The following FBXL3 variants were observed in gnomAD, a reference collection of about 807,000 sequenced individuals.
The protein encoded by FBXL3 is F-box and leucine rich repeat protein 3, also known as F-box/LRR-repeat protein 3.
FBXL3 carries 14 observed loss-of-function variants against 37.9 expected under a neutral mutation model. The observed-to-expected ratio is 0.37, with a 90% CI of 0.24 to 0.58. The LOEUF (loss-of-function observed/expected upper bound fraction) is 0.58, where lower values mean the gene tolerates loss of function less well. Among genes scored for constraint, FBXL3 ranks in the 20% least tolerant of loss-of-function variants. The probability of loss-of-function intolerance (pLI) is 0.74; values close to 1 mark genes in which losing one functional copy is unlikely to be tolerated. For synonymous variants in FBXL3, 194 were observed against 180.1 expected (o/e 1.08, Z -0.62); for missense variants, 327 against 511.1 (o/e 0.64, Z 3.47).
chr13:77,012,778 GTTCTTT>G (rs1219124332), intron 4 of FBXL3: 2 of 152,098 alleles, frequency 1.3e-5, no homozygotes, highest in Non-Finnish European at 2.9e-5. Context: ...TATTACAAGT[GTTCTTT>G]CTTTTTTTTG....
In FBXL3 at chr13:77,022,812, C is replaced by T. The variant is rs901829725; in HGVS notation, c.-1-951G>A. 3.2e-4 allele frequency among the ~76,000 whole-genome samples: 49 copies of T among 152,148 alleles called. 1 individual carries two copies. Among genetic ancestry groups the T allele is most frequent in the Admixed American group, 1.2e-3 (18 of 15,278 alleles). ...TCTTTGAAAGATAGTTTTTTCATGGCAAAACAGTATTATGGCTAAAGAGAA... is the reference window on the plus strand; with the variant it reads ...TCTTTGAAAGATAGTTTTTTCATGGTAAAACAGTATTATGGCTAAAGAGAA... On this transcript the variant is annotated intron_variant, in intron 1 of 4. Coordinates refer to ENST00000355619, the MANE Select transcript of FBXL3 (RefSeq NM_012158.4).
At chr13:77,009,500 A>G (rs2034510101) in intron 4 of FBXL3, 1 of 152,060 alleles carries the variant, frequency 6.6e-6, no homozygotes, top group Admixed American at 6.5e-5. Flanking sequence ...GCTATTTTAT[A>G]TACTTTGAAA....
intron 1 of FBXL3, among the ~76,000 whole-genome samples, chr13:77,025,387 T>C (rs545416425): frequency 1.3e-5 from 2 of 152,334 alleles, no homozygotes; most frequent in Admixed American, 6.5e-5. Context: ...GACCACAGAC[T>C]AGCTGAGCAG....
chr13:77,017,024 C>T (rs1222613723), intron 3 of FBXL3: 1 of 151,554 alleles, frequency 6.6e-6, no homozygotes, highest in Non-Finnish European at 1.5e-5. Context: ...GCATCACTGA[C>T]GTCTTTCCCC....
Position 77,015,443 on chromosome 13 carries a change from C to T in FBXL3, c.609G>A (p.Leu203=). 2 of 1,595,802 alleles carry T rather than the reference C, an allele frequency of 1.3e-6. No individual in the cohort carries two copies. Among genetic ancestry groups the T allele is most frequent in the Admixed American group, 1.8e-5 (1 of 56,466 alleles). ...AGACATGAGGACAGCTGCTCATTTT[C>T]AACAGCTTGAGTGTATCACTATTGT... ...VANNSDTLKL[L]KMSSCPHVSP... is the part of the protein sequence containing the mutation. The change falls in exon 4 of 5, where the codon TTG becomes TTA. Residue 203 remains leucine (L), a synonymous_variant. Coordinates refer to ENST00000355619, the MANE Select transcript of FBXL3 (RefSeq NM_012158.4).
chr13:77,007,804 A>C lies in FBXL3; in HGVS notation c.644-16T>G, dbSNP rs761917476. Reference sequence around the variant, plus strand: ...CAAAGGATACCTTGAAAGAAAAAAAAAATTATTTGCAAGTTTTTGTAAAAG... The same window carrying C: ...CAAAGGATACCTTGAAAGAAAAAAACAATTATTTGCAAGTTTTTGTAAAAG... On this transcript the variant is annotated splice_polypyrimidine_tract_variant and intron_variant, in intron 4 of 4. Transcript: ENST00000355619. 3 of 1,532,468 alleles carry C rather than the reference A, an allele frequency of 2.0e-6. No individual in the cohort carries two copies. Among genetic ancestry groups the C allele is most frequent in the Non-Finnish European group, 2.6e-6 (3 of 1,141,746 alleles). The allele number at this position is 1,532,468 out of a possible 1,614,324, so 94.9% of individuals were successfully genotyped here. A position where few individuals can be genotyped will look rare whatever the true frequency, so the allele number is the denominator to read the frequency against.
intron 3 of FBXL3, chr13:77,018,222 C>T (rs1400282681): frequency 6.5e-6 from 1 of 154,014 alleles, no homozygotes; most frequent in African/African-American, 2.4e-5. Flanking sequence ...AGAAGCTATA[C>T]CTGCTCTCAA....
intron 1 of FBXL3, among the ~76,000 whole-genome samples, chr13:77,023,506 T>C (rs914133063): frequency 6.6e-6 from 1 of 152,168 alleles, no homozygotes; most frequent in East Asian, 1.9e-4. Flanking sequence ...TCTCTTCCCT[T>C]TTTATGTTTT....
At chr13:77,007,860 T>C in intron 4 of FBXL3, 72 bp from the exon 5 acceptor site, 3 of 1,356,752 alleles carry the variant, frequency 2.2e-6, no homozygotes, top group Non-Finnish European at 3.0e-6. Flanking sequence ...ATCAAGTACA[T>C]GTCCCACAAA....
chr13:77,007,903 A>G (rs918879762), intron 4 of FBXL3, 115 bp from the exon 5 acceptor site: 18 of 741,972 alleles, frequency 2.4e-5, no homozygotes, highest in South Asian at 4.8e-5. Flanking sequence ...ACAAAACTAT[A>G]TAATTTAAAA....
intron 2 of FBXL3, among the ~76,000 whole-genome samples, chr13:77,020,977 T>C (rs2034732459): frequency 6.6e-6 from 1 of 152,214 alleles, no homozygotes; most frequent in South Asian, 2.1e-4. Context: ...TTCCAATACC[T>C]TCCTTCCAGC....
At chr13:77,009,870 T>C (rs573300300) in intron 4 of FBXL3, 1 of 152,258 alleles carries the variant, frequency 6.6e-6, no homozygotes, top group Non-Finnish European at 1.5e-5. Context: ...CCATCAATGA[T>C]AGACTAAAGA....
chr13:77,007,196 C>A lies in FBXL3; in HGVS notation c.1236G>T (p.Val412=), dbSNP rs78684417. Residue 412 remains valine, a synonymous_variant, in exon 5 of 5, where the codon GTG becomes GTT. Transcript: ENST00000355619. ...KYSLEQIHWE[V]SKHLGRVWFP... ...ACCACACCCTACCAAGATGCTTGGA[C>A]ACTTCCCAGTGAATCTGCTCCAAAC... The A allele has an allele frequency of 3.7e-4, 600 of 1,613,578 alleles. 10 individuals carry two copies. The East Asian group carries it at 0.013, about 36-fold the overall frequency.
intron 2 of FBXL3, 157 bp from the exon 3 acceptor site, chr13:77,018,879 A>G (rs1593932247): frequency 2.6e-5 from 15 of 587,502 alleles, no homozygotes; most frequent in Non-Finnish European, 3.8e-5. Context: ...TTGCATTATA[A>G]CTTAAAGAAT....
intron 3 of FBXL3, chr13:77,017,271 A>AG (rs1416801571): frequency 6.6e-6 from 1 of 152,216 alleles, no homozygotes; most frequent in Non-Finnish European, 1.5e-5. Context: ...CATAGTGATA[A>AG]GAAAAAAAAG....
intron 3 of FBXL3, chr13:77,017,454 A>G (rs1359612711): frequency 6.6e-6 from 1 of 152,180 alleles, no homozygotes; most frequent in Non-Finnish European, 1.5e-5. Flanking sequence ...AGTATTTCTT[A>G]GCGTGAGTTC....
chr13:77,007,250 T>G lies in FBXL3; in HGVS notation c.1182A>C (p.Glu394Asp), dbSNP rs2034467859. ...GGRLSQLSIM[E>D]EVLIPDQKYS... ...ACTTTTGGTCAGGAATTAGTACTTC[T>G]TCCATAATGGATAATTGAGATAGGC... is the stretch of plus-strand genomic sequence containing the variant. Residue 394 changes from glutamate to aspartate, a missense_variant, in exon 5 of 5, where the codon GAA becomes GAC. By Grantham distance (45) the Glu-to-Asp change is conservative. Coordinates refer to ENST00000355619, the MANE Select transcript of FBXL3 (RefSeq NM_012158.4). 4 of 1,614,140 alleles carry G rather than the reference T, an allele frequency of 2.5e-6. No homozygotes were observed. The African/African-American group carries it at 4.0e-5, about 16-fold the overall frequency.
chr13:77,023,345 A>AGAGAGAGTGTGTGTGT (rs199568005), intron 1 of FBXL3, among the ~76,000 whole-genome samples: 28 of 147,598 alleles, frequency 1.9e-4, no homozygotes, highest in Admixed American at 1.7e-3. Flanking sequence ...AGAGAGAGAG[A>AGAGAGAGTGTGTGTGT]GTGTGTGTGT....
intron 2 of FBXL3, among the ~76,000 whole-genome samples, chr13:77,020,736 T>C (rs908804115): frequency 3.3e-5 from 5 of 152,158 alleles, no homozygotes; most frequent in African/African-American, 1.2e-4. Context: ...TGTGATTTTT[T>C]ATTTTTTTAA....
Sources: gnomAD v4.1 joint callset for allele counts (sites outside exome capture counted in the v4.1 genomes callset) on GRCh38, gnomAD v4.1.1 for gene constraint, MANE v1.5 for transcripts, NCBI Gene and HGNC (gene_info 2026-07-23, HGNC 2026-07-21) for gene names.